EFCAB11: variants seen among roughly 807,000 people sequenced by gnomAD.
EFCAB11 encodes EF-hand calcium-binding domain-containing protein 11.
A neutral mutation model predicts 23.0 loss-of-function variants in EFCAB11; 14 were observed. The observed-to-expected ratio is 0.61, with a 90% CI of 0.40 to 0.95. The LOEUF (loss-of-function observed/expected upper bound fraction) is 0.95, where lower values mean the gene tolerates loss of function less well. Among genes scored for constraint, EFCAB11 ranks in the 40% least tolerant of loss-of-function variants. EFCAB11 has a pLI of 0.00. For missense variants in EFCAB11, 198 were observed against 195.8 expected, an observed-to-expected ratio of 1.01 and a Z score of -0.07; for synonymous variants, 65 against 66.6, an observed-to-expected ratio of 0.98 and a Z score of 0.11.
intron 2 of EFCAB11, 70 bp from the exon 3 acceptor site, chr14:89,950,212 T>C (rs1891121233): frequency 1.4e-6 from 2 of 1,451,776 alleles, no homozygotes; most frequent in Non-Finnish European, 1.9e-6. Context: ...TCTTAATTCT[T>C]CAGGTGGGAA....
chr14:89,836,029 G>C (rs1887068526), intron 5 of EFCAB11, among the ~76,000 whole-genome samples: 1 of 152,162 alleles, frequency 6.6e-6, no homozygotes, highest in South Asian at 2.1e-4. Context: ...AGGCAGGAGT[G>C]ACGGATAAAC....
intron 5 of EFCAB11, chr14:89,837,185 A>G: frequency 2.2e-6 from 1 of 453,798 alleles, no homozygotes; most frequent in East Asian, 6.9e-5. Flanking sequence ...ATTTATTTAA[A>G]CCACATAAGC....
chr14:89,807,258 C>T (rs1885998717), intron 5 of EFCAB11, among the ~76,000 whole-genome samples: 1 of 152,176 alleles, frequency 6.6e-6, no homozygotes, highest in African/African-American at 2.4e-5. Flanking sequence ...TTCAATAACA[C>T]AGGCTTTTTA....
At chr14:89,852,933 T>C (rs1039259572) in intron 5 of EFCAB11, among the ~76,000 whole-genome samples, 1 of 152,172 alleles carries the variant, frequency 6.6e-6, no homozygotes, top group Admixed American at 6.5e-5. Context: ...TCGACATTCC[T>C]ACCTTCTCTC....
intron 5 of EFCAB11, among the ~76,000 whole-genome samples, chr14:89,850,934 C>G (rs1887583586): frequency 6.6e-6 from 1 of 152,122 alleles, no homozygotes. Flanking sequence ...GTTAAACACT[C>G]AGTATCTTGC....
chr14:89,906,686 G>A (rs1889511034), intron 5 of EFCAB11, among the ~76,000 whole-genome samples: 1 of 152,102 alleles, frequency 6.6e-6, no homozygotes, highest in Admixed American at 6.5e-5. Context: ...TTTGTTTGGG[G>A]AATATGAAAA....
At chr14:89,888,825 C>T (rs78374466) in intron 5 of EFCAB11, among the ~76,000 whole-genome samples, 67 of 152,294 alleles carry the variant, frequency 4.4e-4, no homozygotes, top group Non-Finnish European at 6.9e-4. Context: ...GTTTATAAGC[C>T]ACCCAGTTTA....
chr14:89,925,759 C>T (rs1014445589), intron 5 of EFCAB11, among the ~76,000 whole-genome samples: 7 of 151,214 alleles, frequency 4.6e-5, no homozygotes, highest in African/African-American at 1.5e-4. Flanking sequence ...GATTCTCCTG[C>T]CTCAGCCTCC....
chr14:89,935,989 C>A (rs1238895471), intron 3 of EFCAB11, among the ~76,000 whole-genome samples: 1 of 151,654 alleles, frequency 6.6e-6, no homozygotes, highest in Non-Finnish European at 1.5e-5. Context: ...GCCTGGGTGA[C>A]AGAGTAAGAC....
At chr14:89,898,124 C>T (rs1889224929) in intron 5 of EFCAB11, among the ~76,000 whole-genome samples, 1 of 152,134 alleles carries the variant, frequency 6.6e-6, no homozygotes, top group African/African-American at 2.4e-5. Flanking sequence ...ATGGAAAACA[C>T]ACTGTGCCAG....
intron 5 of EFCAB11, among the ~76,000 whole-genome samples, chr14:89,811,867 C>T (rs1886160744): frequency 6.6e-6 from 1 of 152,126 alleles, no homozygotes; most frequent in Admixed American, 6.5e-5. Flanking sequence ...CAATAGGAAT[C>T]TAATACAAAG....
intron 5 of EFCAB11, among the ~76,000 whole-genome samples, chr14:89,877,875 A>G (rs925875712): frequency 6.6e-6 from 1 of 152,184 alleles, no homozygotes; most frequent in African/African-American, 2.4e-5. Context: ...TACCACTCTC[A>G]ACCTCAAAAC....
At chr14:89,937,641 T>G (rs1471646646) in intron 3 of EFCAB11, among the ~76,000 whole-genome samples, 1 of 152,170 alleles carries the variant, frequency 6.6e-6, no homozygotes, top group Non-Finnish European at 1.5e-5. Flanking sequence ...TTCTACTGCC[T>G]CAGCCTCCCG....
intron 5 of EFCAB11, among the ~76,000 whole-genome samples, chr14:89,920,025 C>T (rs1490573723): frequency 1.3e-5 from 2 of 152,212 alleles, no homozygotes; most frequent in Non-Finnish European, 2.9e-5. Flanking sequence ...AGCACTCCCA[C>T]TCCAGTTAAA....
At chr14:89,893,769 C>G (rs1003195050) in intron 5 of EFCAB11, among the ~76,000 whole-genome samples, 1 of 145,406 alleles carries the variant, frequency 6.9e-6, no homozygotes, top group African/African-American at 2.6e-5. Flanking sequence ...CATCTGCACA[C>G]TCGTCTCCAA....
intron 5 of EFCAB11, among the ~76,000 whole-genome samples, chr14:89,845,534 C>T (rs775870298): frequency 3.3e-5 from 5 of 152,148 alleles, no homozygotes; most frequent in Non-Finnish European, 5.9e-5. Context: ...ATCACAGTGA[C>T]GTGTCTATGT....
chr14:89,925,424 T>C lies in EFCAB11; in HGVS notation c.410+6117A>G, dbSNP rs1890158387. On this transcript the variant is annotated intron_variant, in intron 5 of 5. Transcript: ENST00000316738. ...TTTTATTAGTGTTAAAGAGGAAAGA[T>C]GTTTCTTACTTAACTTTTAATTGCT... 2.0e-5 allele frequency among the ~76,000 whole-genome samples: 3 copies of C among 152,332 alleles called. No individual in the cohort carries two copies. The South Asian group carries it at 6.2e-4, about 32-fold the overall frequency.
At chr14:89,934,731 A>G (rs189397158) in intron 3 of EFCAB11, among the ~76,000 whole-genome samples, 2 of 152,296 alleles carry the variant, frequency 1.3e-5, no homozygotes, top group East Asian at 3.9e-4. Context: ...ACATAATGAC[A>G]AATTGTTAGC....
At chr14:89,950,288 C>A in intron 2 of EFCAB11, 146 bp from the exon 3 acceptor site, 2 of 803,424 alleles carry the variant, frequency 2.5e-6, no homozygotes, top group East Asian at 3.2e-5. Context: ...TACACAATAG[C>A]TATAATAGTC....
Sources: gnomAD v4.1 joint callset for allele counts (sites outside exome capture counted in the v4.1 genomes callset) on GRCh38, gnomAD v4.1.1 for gene constraint, MANE v1.5 for transcripts, NCBI Gene and HGNC (gene_info 2026-07-23, HGNC 2026-07-21) for gene names.